The following PDGFD variants were observed in gnomAD, a reference collection of about 807,000 sequenced individuals.
PDGFD encodes platelet derived growth factor D.
PDGFD carries 30 observed loss-of-function variants against 44.7 expected under a neutral mutation model. That is an observed-to-expected ratio of 0.67 (90% CI 0.50 to 0.91). The LOEUF (loss-of-function observed/expected upper bound fraction) is 0.91. PDGFD is among the 40% of genes least tolerant of loss of function. PDGFD has a pLI of 0.00. For missense variants in PDGFD, 445 were observed against 457.8 expected (o/e 0.97, Z 0.25); for synonymous variants, 173 against 168.4 (o/e 1.03, Z -0.21).
chr11:104,047,922 AATGATT>A (rs1362522521), intron 1 of PDGFD, among the ~76,000 whole-genome samples: 1 of 152,110 alleles, frequency 6.6e-6, no homozygotes, highest in Non-Finnish European at 1.5e-5. Context: ...TAGTTGGCCA[AATGATT>A]ATAGTACATA....
chr11:103,972,659 T>C (rs1859121059), intron 3 of PDGFD, among the ~76,000 whole-genome samples: 1 of 152,180 alleles, frequency 6.6e-6, no homozygotes, highest in South Asian at 2.1e-4. Flanking sequence ...ATTGAGAATA[T>C]ATTAATGATA....
At chr11:104,148,094 G>T (rs1044726611) in intron 1 of PDGFD, among the ~76,000 whole-genome samples, 1 of 152,160 alleles carries the variant, frequency 6.6e-6, no homozygotes, top group Admixed American at 6.5e-5. Context: ...AAACTGAGTA[G>T]CATGGTTTAC....
chr11:104,105,430 G>A (rs1331858570), intron 1 of PDGFD, among the ~76,000 whole-genome samples: 2 of 152,036 alleles, frequency 1.3e-5, no homozygotes, highest in African/African-American at 4.8e-5. Flanking sequence ...AGGCATTAAA[G>A]TTGAGAGCAA....
intron 6 of PDGFD, among the ~76,000 whole-genome samples, chr11:103,919,801 G>A (rs1012071405): frequency 2.8e-4 from 42 of 151,548 alleles, no homozygotes; most frequent in African/African-American, 8.7e-4. Flanking sequence ...GAGCCACTGC[G>A]CCCGGTCTCT....
At chr11:104,152,817 T>C (rs1316080078) in intron 1 of PDGFD, among the ~76,000 whole-genome samples, 2 of 152,138 alleles carry the variant, frequency 1.3e-5, no homozygotes, top group Admixed American at 6.6e-5. Context: ...TGGAAACATA[T>C]AACCTATTCT....
At chr11:104,094,940 T>C (rs1285110775) in intron 1 of PDGFD, among the ~76,000 whole-genome samples, 2 of 152,038 alleles carry the variant, frequency 1.3e-5, no homozygotes, top group Non-Finnish European at 2.9e-5. Flanking sequence ...CCCTGCTAGG[T>C]TTCCAACCCT....
chr11:103,929,834 C>G (rs1858372675), intron 5 of PDGFD, among the ~76,000 whole-genome samples: 1 of 152,122 alleles, frequency 6.6e-6, no homozygotes. Flanking sequence ...CAGACAGAGG[C>G]TGAGCAGCAA....
intron 1 of PDGFD, among the ~76,000 whole-genome samples, chr11:104,018,261 A>C (rs1166999274): frequency 1.3e-5 from 2 of 152,156 alleles, no homozygotes; most frequent in African/African-American, 2.4e-5. Context: ...ATTAATATTT[A>C]TTGAACAAAT....
At chr11:104,013,804 C>A (rs2134376717) in intron 1 of PDGFD, among the ~76,000 whole-genome samples, 1 of 151,686 alleles carries the variant, frequency 6.6e-6, no homozygotes. Context: ...TAAATCATTG[C>A]AATTGTGGCA....
chr11:104,043,939 A>C (rs374680506), intron 1 of PDGFD, among the ~76,000 whole-genome samples: 7 of 152,212 alleles, frequency 4.6e-5, no homozygotes, highest in East Asian at 1.9e-4. Flanking sequence ...GAGAGGAAAA[A>C]TATCTAAACC....
intron 1 of PDGFD, among the ~76,000 whole-genome samples, chr11:104,017,621 A>T (rs1239260373): frequency 6.6e-6 from 1 of 152,196 alleles, no homozygotes; most frequent in Non-Finnish European, 1.5e-5. Context: ...CCGTTCAACA[A>T]ATAATAACAG....
intron 3 of PDGFD, among the ~76,000 whole-genome samples, chr11:103,982,118 C>G (rs1248890596): frequency 6.6e-6 from 1 of 151,720 alleles, no homozygotes; most frequent in East Asian, 1.9e-4. Flanking sequence ...CCTCCAATGC[C>G]CAGTAGGCCC....
At chr11:104,133,368 G>T (rs778547992) in intron 1 of PDGFD, among the ~76,000 whole-genome samples, 40 of 152,120 alleles carry the variant, frequency 2.6e-4, no homozygotes, top group Non-Finnish European at 4.4e-4. Context: ...AATGCTGTGG[G>T]AACTTCTGTA....
chr11:103,938,274 T>C (rs981121982), intron 5 of PDGFD, among the ~76,000 whole-genome samples: 1 of 152,232 alleles, frequency 6.6e-6, no homozygotes, highest in African/African-American at 2.4e-5. Context: ...TATCTCATTG[T>C]GGTTTTGATT....
chr11:103,913,355 A>T (rs1858061935), intron 6 of PDGFD, among the ~76,000 whole-genome samples: 1 of 152,228 alleles, frequency 6.6e-6, no homozygotes. Flanking sequence ...ACTCACTCAA[A>T]ATCACACAAC....
rs147307619 is a variant in PDGFD at position 104,009,717 on chromosome 11, AT to A, written c.125-9463del. Among the ~76,000 whole-genome samples, 655 of 152,196 alleles carry A rather than the reference AT, an allele frequency of 4.3e-3. 6 individuals are homozygous for A. Among genetic ancestry groups the A allele is most frequent in the South Asian group, 0.011 (55 of 4,820 alleles). Reference sequence around the variant, plus strand: ...GGATTAAATTGAATTTAATTAGATAATTTTCCATAAATTATCTCCTAACTTA... The same window carrying A: ...GGATTAAATTGAATTTAATTAGATAATTTCCATAAATTATCTCCTAACTTA... On this transcript the variant is annotated intron_variant, in intron 1 of 6. Transcript: ENST00000393158.
At chr11:104,153,700 A>G (rs1460845185) in intron 1 of PDGFD, among the ~76,000 whole-genome samples, 1 of 152,200 alleles carries the variant, frequency 6.6e-6, no homozygotes, top group Non-Finnish European at 1.5e-5. Flanking sequence ...ATTACTTCAC[A>G]TGATTATTTA....
At chr11:103,967,287 G>A (rs939222407) in intron 3 of PDGFD, among the ~76,000 whole-genome samples, 2 of 152,112 alleles carry the variant, frequency 1.3e-5, no homozygotes, top group Non-Finnish European at 2.9e-5. Flanking sequence ...CATGTCAACT[G>A]GGTTCCTATA....
intron 1 of PDGFD, among the ~76,000 whole-genome samples, chr11:104,007,375 C>T (rs986627965): frequency 6.6e-6 from 1 of 152,092 alleles, no homozygotes; most frequent in Non-Finnish European, 1.5e-5. Flanking sequence ...TGTGATAATC[C>T]ATCATCATAT....
Sources: allele counts gnomAD v4.1 joint callset (sites outside exome capture counted in the v4.1 genomes callset), GRCh38; gene constraint gnomAD v4.1.1; transcripts MANE v1.5; gene names NCBI Gene and HGNC (gene_info 2026-07-23, HGNC 2026-07-21).